The following CPQ variants were observed in gnomAD, a reference collection of about 807,000 sequenced individuals.
The protein encoded by CPQ is carboxypeptidase Q.
CPQ carries 37 observed loss-of-function variants against 45.7 expected under a neutral mutation model. The observed-to-expected ratio is 0.81, with a 90% CI of 0.62 to 1.07. The LOEUF is 1.07. CPQ is among the 50% of genes least tolerant of loss of function. The pLI, the probability that CPQ is intolerant of heterozygous loss-of-function variation, is 0.00. For synonymous variants in CPQ, 186 were observed against 205.8 expected, an observed-to-expected ratio of 0.90 and a Z score of 0.82; for missense variants, 537 against 572.9, an observed-to-expected ratio of 0.94 and a Z score of 0.64.
chr8:96,793,300 G>A (rs1362683746), intron 2 of CPQ, among the ~76,000 whole-genome samples: 2 of 152,176 alleles, frequency 1.3e-5, no homozygotes, highest in African/African-American at 2.4e-5. Flanking sequence ...AGGTTTATTA[G>A]ACTTACAGTT....
chr8:97,139,523 C>G (rs1812118604), intron 7 of CPQ, among the ~76,000 whole-genome samples: 1 of 151,894 alleles, frequency 6.6e-6, no homozygotes, highest in Non-Finnish European at 1.5e-5. Context: ...CAACAAAATT[C>G]AAAGAATCTA....
intron 1 of CPQ, among the ~76,000 whole-genome samples, chr8:96,777,196 C>A (rs912050701): frequency 6.6e-6 from 1 of 152,020 alleles, no homozygotes; most frequent in Non-Finnish European, 1.5e-5. Context: ...CCCATGGCTG[C>A]TTTACAATAT....
intron 2 of CPQ, among the ~76,000 whole-genome samples, chr8:96,794,076 C>T (rs1810890732): frequency 6.6e-6 from 1 of 152,140 alleles, no homozygotes; most frequent in Non-Finnish European, 1.5e-5. Context: ...GGACAGTGGC[C>T]CTCTTCTCAC....
intron 4 of CPQ, among the ~76,000 whole-genome samples, chr8:96,926,576 C>CTTCTTCTTCTTCTTCTTCTTAT: frequency 1.3e-5 from 1 of 75,042 alleles, no homozygotes; most frequent in Non-Finnish European, 2.4e-5. Context: ...CTTCCTCTTC[C>CTTCTTCTTCTTCTTCTTCTTAT]TCTTCTTCTT....
chr8:97,003,789 T>C (rs1292624656), intron 5 of CPQ, among the ~76,000 whole-genome samples: 1 of 152,144 alleles, frequency 6.6e-6, no homozygotes, highest in African/African-American at 2.4e-5. Context: ...TCATTGCTTG[T>C]GGTAGGTGAG....
At chr8:97,031,290 G>A (rs1372989589) in intron 6 of CPQ, among the ~76,000 whole-genome samples, 1 of 150,174 alleles carries the variant, frequency 6.7e-6, no homozygotes, top group African/African-American at 2.5e-5. Flanking sequence ...GGGTTCAAGT[G>A]ATTCTCCTGC....
intron 2 of CPQ, among the ~76,000 whole-genome samples, chr8:96,820,504 A>G (rs1330152978): frequency 6.6e-6 from 1 of 151,768 alleles, no homozygotes; most frequent in African/African-American, 2.4e-5. Flanking sequence ...ATAACTACCA[A>G]TCTCTATCTT....
rs111962341 is a variant in CPQ at position 96,780,218 on chromosome 8, A to T, written c.-34-4646A>T. Among the ~76,000 whole-genome samples, 326 of 152,304 alleles carry T rather than the reference A, an allele frequency of 2.1e-3. 2 individuals are homozygous for T. Among genetic ancestry groups the T allele is most frequent in the African/African-American group, 6.8e-3 (282 of 41,572 alleles). ...AACATATTAGCTGATAGCATAGTTA[A>T]TTATGGTAGAAACACAGAAGATGGT... On this transcript the variant is annotated intron_variant, in intron 1 of 7. Transcript: ENST00000220763.
Position 96,707,683 on chromosome 8 carries a change from GA to G in CPQ, c.-35+62283del, listed in dbSNP as rs1428111851. On this transcript the variant is annotated intron_variant, in intron 1 of 7. Transcript: ENST00000220763. ...CATTTTAATGAATGAATGAATGAAT[GA>G]ATGAATGATTTTTTTTTTTGGCTTA... 1.9e-3 allele frequency among the ~76,000 whole-genome samples: 282 copies of G among 151,164 alleles called. 4 individuals carry two copies. Among genetic ancestry groups the G allele is most frequent in the Admixed American group, 0.012 (190 of 15,202 alleles).
chr8:96,822,128 C>T (rs541577344), intron 2 of CPQ, among the ~76,000 whole-genome samples: 2 of 152,004 alleles, frequency 1.3e-5, no homozygotes, highest in East Asian at 3.9e-4. Flanking sequence ...TTCTAGATTC[C>T]ACGTATAAGT....
rs1479423003 is a variant in CPQ at position 97,034,837 on chromosome 8, T to TTTATCC, written c.1053+5343_1053+5344insTTATCC. Among the ~76,000 whole-genome samples, 556 of 152,224 alleles carry TTTATCC rather than the reference T, an allele frequency of 3.7e-3. 1 individual carries two copies. The highest frequency in any genetic ancestry group is 0.012 in the African/African-American group (509 of 41,548). Reference sequence around the variant, plus strand: ...GAGTCTGACGTCTTTCACTAAACAGTATGGTTTTGCAGTTTATCCATGTTG... The same window carrying TTTATCC: ...GAGTCTGACGTCTTTCACTAAACAGTTTATCCATGGTTTTGCAGTTTATCCATGTTG... On this transcript the variant is annotated intron_variant, in intron 6 of 7. Coordinates refer to ENST00000220763, the MANE Select transcript of CPQ (RefSeq NM_016134.4).
chr8:97,075,163 C>T (rs936487965), intron 7 of CPQ, among the ~76,000 whole-genome samples: 1 of 152,086 alleles, frequency 6.6e-6, no homozygotes, highest in African/African-American at 2.4e-5. Context: ...AAAACAATTG[C>T]TTTAGAAAAT....
chr8:96,991,615 A>G (rs1289520213), intron 5 of CPQ, among the ~76,000 whole-genome samples: 2 of 150,402 alleles, frequency 1.3e-5, no homozygotes, highest in Non-Finnish European at 3.0e-5. Flanking sequence ...CTTTCCCTAC[A>G]TCTAGCTATA....
Position 97,143,103 on chromosome 8 carries a change from C to T in CPQ, c.1339C>T (p.Gln447Ter), listed in dbSNP as rs748433604. ...CACCATGACTGTCATGGATCCAAAGCAGATGAATGTTGCTGCTGCTGTTTG... is the reference window on the plus strand; with the variant it reads ...CACCATGACTGTCATGGATCCAAAGTAGATGAATGTTGCTGCTGCTGTTTG... Reference protein sequence around the residue: ...GDTMTVMDPKQMNVAAAVWAV... With the variant: ...GDTMTVMDPK Residue 447 changes from glutamine (Q) to a stop codon, truncating the protein, a stop_gained, in exon 8 of 8, where the codon CAG becomes TAG. Transcript: ENST00000220763. LOFTEE classifies it high-confidence loss of function. 3.1e-6 allele frequency: 5 copies of T among 1,613,864 alleles called. No individual in the cohort carries two copies. In the Admixed American group the frequency reaches 8.3e-5, roughly 27 times the overall value.
chr8:96,734,893 A>G (rs1027529270), intron 1 of CPQ, among the ~76,000 whole-genome samples: 3 of 151,372 alleles, frequency 2.0e-5, no homozygotes, highest in Non-Finnish European at 2.9e-5. Flanking sequence ...TTGCTATGCT[A>G]CTCGCTCTTC....
intron 1 of CPQ, among the ~76,000 whole-genome samples, chr8:96,710,667 T>C (rs1457754305): frequency 6.6e-6 from 1 of 152,222 alleles, no homozygotes; most frequent in Non-Finnish European, 1.5e-5. Context: ...AGGGTTCCAT[T>C]TGAAGTTGAT....
intron 1 of CPQ, among the ~76,000 whole-genome samples, chr8:96,740,795 G>T (rs1471430384): frequency 6.6e-6 from 1 of 152,156 alleles, no homozygotes; most frequent in Non-Finnish European, 1.5e-5. Flanking sequence ...AACCAGTCTT[G>T]CATCCCAGGG....
chr8:96,725,321 A>C (rs985102940), intron 1 of CPQ, among the ~76,000 whole-genome samples: 3 of 152,194 alleles, frequency 2.0e-5, no homozygotes. Context: ...GAAAGTATTC[A>C]TAAACTATGT....
At chr8:96,698,210 T>A (rs1809411643) in intron 1 of CPQ, among the ~76,000 whole-genome samples, 1 of 152,092 alleles carries the variant, frequency 6.6e-6, no homozygotes, top group Non-Finnish European at 1.5e-5. Flanking sequence ...TATGGTGAAT[T>A]TATTTTTAGC....
Sources: allele counts gnomAD v4.1 joint callset (sites outside exome capture counted in the v4.1 genomes callset), GRCh38; gene constraint gnomAD v4.1.1; transcripts MANE v1.5; gene names NCBI Gene and HGNC (gene_info 2026-07-23, HGNC 2026-07-21).